The following MRPS31 variants were observed in gnomAD, a reference collection of about 807,000 sequenced individuals.
The protein encoded by MRPS31 is mitochondrial ribosomal protein S31.
MRPS31 carries 32 observed loss-of-function variants against 43.1 expected under a neutral mutation model. The observed-to-expected ratio is 0.74, with a 90% confidence interval of 0.56 to 1.00. The LOEUF is 1.00. Ranked by LOEUF, MRPS31 falls within the 50% of genes least tolerant of loss-of-function variation. MRPS31 has a pLI of 0.00. For missense variants in MRPS31, 437 were observed against 466.7 expected, an observed-to-expected ratio of 0.94 and a Z score of 0.59; for synonymous variants, 165 against 161.6, an observed-to-expected ratio of 1.02 and a Z score of -0.16.
intron 6 of MRPS31, among the ~76,000 whole-genome samples, chr13:40,741,135 A>T (rs1818373933): frequency 2.0e-5 from 3 of 152,046 alleles, no homozygotes; most frequent in Middle Eastern, 3.4e-3. Context: ...ATAATTTAGA[A>T]ATATAAAAAA....
intron 6 of MRPS31, among the ~76,000 whole-genome samples, chr13:40,737,834 A>T (rs1376475401): frequency 6.6e-6 from 1 of 152,032 alleles, no homozygotes; most frequent in Non-Finnish European, 1.5e-5. Flanking sequence ...AAGAGAAAGC[A>T]GGAAAGATCC....
chr13:40,729,730 ATT>A (rs35753575), intron 6 of MRPS31, 129 bp from the exon 7 acceptor site: 7,877 of 507,880 alleles, frequency 0.016, no homozygotes, highest in South Asian at 0.021. Context: ...CCTAGGTTGC[ATT>A]TTTTTTTTTT....
rs201166213 is a variant in MRPS31, at chr13:40,757,036, T to G, written c.600-23A>C. 2.8e-3 allele frequency: 4,353 copies of G among 1,579,384 alleles called. 10 individuals are homozygous for G. Among genetic ancestry groups the G allele is most frequent in the Middle Eastern group, 0.012 (70 of 5,958 alleles). ...AAACTGAAATAATAAAAAGGTCAAG[T>G]GTATTAGAAATCTTAGCTACAGAAC... On this transcript the variant is annotated intron_variant, in intron 3 of 6. Transcript: ENST00000323563.
At chr13:40,754,716 G>A (rs576442613) in intron 4 of MRPS31, among the ~76,000 whole-genome samples, 1 of 152,192 alleles carries the variant, frequency 6.6e-6, no homozygotes, top group Non-Finnish European at 1.5e-5. Flanking sequence ...TTTACTGGCA[G>A]ATTAAAATCC....
chr13:40,755,015 T>C (rs1880492391), intron 4 of MRPS31, among the ~76,000 whole-genome samples: 2 of 152,198 alleles, frequency 1.3e-5, no homozygotes, highest in Admixed American at 6.5e-5. Context: ...GGCTGGGCGA[T>C]AAGAGCGAGA....
At chr13:40,756,847 AC>A (rs762401876) in intron 4 of MRPS31, 25 bp downstream of exon 4, 1 of 1,611,646 alleles carries the variant, frequency 6.2e-7, no homozygotes, top group Non-Finnish European at 8.5e-7. Flanking sequence ...CACAAACAAA[AC>A]CCAGCAGATT....
intron 2 of MRPS31, among the ~76,000 whole-genome samples, chr13:40,764,207 C>A (rs746350781): frequency 3.3e-5 from 5 of 152,132 alleles, no homozygotes; most frequent in Non-Finnish European, 7.3e-5. Context: ...GGCATTGTTT[C>A]CAGGAACAGC....
intron 1 of MRPS31, among the ~76,000 whole-genome samples, chr13:40,768,132 A>C (rs879105637): frequency 6.6e-6 from 1 of 152,212 alleles, no homozygotes; most frequent in Non-Finnish European, 1.5e-5. Flanking sequence ...TGGGGTTAAA[A>C]ATTTGTTTTG....
At chr13:40,769,325 G>C (rs770630279) in intron 1 of MRPS31, among the ~76,000 whole-genome samples, 1 of 138,978 alleles carries the variant, frequency 7.2e-6, no homozygotes, top group Admixed American at 7.7e-5. Context: ...GCAGTGAGCC[G>C]AGATCACACA....
intron 6 of MRPS31, among the ~76,000 whole-genome samples, chr13:40,734,828 C>G (rs548590437): frequency 6.6e-6 from 1 of 152,092 alleles, no homozygotes; most frequent in Non-Finnish European, 1.5e-5. Flanking sequence ...CCCAGGAATT[C>G]GAGGTTGCAG....
chr13:40,766,804 T>C lies in MRPS31; in HGVS notation c.382A>G (p.Ser128Gly). The C allele has an allele frequency of 6.2e-7, 1 of 1,613,998 alleles. No individual in the cohort carries two copies. The highest frequency in any genetic ancestry group is 8.5e-7 in the Non-Finnish European group (1 of 1,179,990). Reference sequence around the variant, plus strand: ...AGCCTGCCAAGTGTAGCTTCCAAACTTTTAAGTGGTCTTCTTTTGGGGGGC... The same window carrying C: ...AGCCTGCCAAGTGTAGCTTCCAAACCTTTAAGTGGTCTTCTTTTGGGGGGC... ...TKPPKRRPLKSLEATLGRLRR... is the reference protein window; with the variant it reads ...TKPPKRRPLKGLEATLGRLRR... Residue 128 changes from serine to glycine, a missense_variant, in exon 2 of 7, where the codon AGT becomes GGT. Transcript: ENST00000323563.
chr13:40,759,888 A>G (rs1423978797), intron 2 of MRPS31, among the ~76,000 whole-genome samples: 2 of 152,242 alleles, frequency 1.3e-5, no homozygotes, highest in East Asian at 1.9e-4. Flanking sequence ...ATATATCCAT[A>G]CAATGGAAGA....
At chr13:40,767,656 T>C (rs1341065700) in intron 1 of MRPS31, among the ~76,000 whole-genome samples, 1 of 152,172 alleles carries the variant, frequency 6.6e-6, no homozygotes, top group Non-Finnish European at 1.5e-5. Context: ...AGGGGAGGTC[T>C]GGGGGTGCTG....
rs751326799 is a variant in MRPS31 at position 40,766,768 on chromosome 13, T to C, written c.418A>G (p.Thr140Ala). The C allele has an allele frequency of 3.7e-6, 6 of 1,610,998 alleles. No homozygotes were observed. In the African/African-American group the frequency reaches 6.7e-5, roughly 18 times the overall value. The change falls in exon 2 of 7, where the codon ACA (threonine) becomes GCA (alanine). Residue 140 changes from threonine to alanine, a missense_variant. Coordinates refer to ENST00000323563, the MANE Select transcript of MRPS31 (RefSeq NM_005830.4). ...TACCTCTTCTTTGGAGCATATTCTG[T>C]AGCTCTTCGAAGCCTGCCAAGTGTA... ...EATLGRLRRATEYAPKKRIEP... is the reference protein window; with the variant it reads ...EATLGRLRRAAEYAPKKRIEP...
At chr13:40,759,163 T>C in intron 2 of MRPS31, 57 bp from the exon 3 acceptor site, 1 of 1,386,938 alleles carries the variant, frequency 7.2e-7, no homozygotes, top group South Asian at 1.5e-5. Flanking sequence ...ATTGGCCAGG[T>C]GCGGTGGCTC....
intron 6 of MRPS31, among the ~76,000 whole-genome samples, chr13:40,737,479 C>A (rs1467770928): frequency 6.6e-6 from 1 of 151,982 alleles, no homozygotes; most frequent in Non-Finnish European, 1.5e-5. Context: ...ACAGAATATA[C>A]ATTTTTTTCA....
At chr13:40,770,824 T>C in intron 1 of MRPS31, 161 bp downstream of exon 1, 1 of 895,936 alleles carries the variant, frequency 1.1e-6, no homozygotes, top group African/African-American at 1.7e-5. Context: ...GTAGCTCTGT[T>C]TTCACGCACA....
rs748982635 is a variant in MRPS31, at chr13:40,756,875, T to C, written c.738A>G (p.Lys246=). ...CAGCAGATTACAAAGCCTGATACCTTTTTTTAAGATCATCCGTCTTCTCCT... is the reference window on the plus strand; with the variant it reads ...CAGCAGATTACAAAGCCTGATACCTCTTTTTAAGATCATCCGTCTTCTCCT... ...PGQEKTDDLK[K]RKNIFTGKRL... is the part of the protein sequence containing the mutation. Residue 246 remains lysine, a splice_region_variant and synonymous_variant, in exon 4 of 7, where the codon AAA becomes AAG. Coordinates refer to ENST00000323563, the MANE Select transcript of MRPS31 (RefSeq NM_005830.4). 1 of 1,612,814 alleles carries C rather than the reference T, an allele frequency of 6.2e-7. No homozygotes were observed. The highest frequency in any genetic ancestry group is 8.5e-7 in the Non-Finnish European group (1 of 1,179,672).
At chr13:40,765,628 T>C (rs1016518648) in intron 2 of MRPS31, among the ~76,000 whole-genome samples, 34 of 152,220 alleles carry the variant, frequency 2.2e-4, no homozygotes, top group Admixed American at 9.8e-4. Context: ...TAGCTTACTC[T>C]ACTACCCAAT....
Sources: gnomAD v4.1 joint callset for allele counts (sites outside exome capture counted in the v4.1 genomes callset) on GRCh38, gnomAD v4.1.1 for gene constraint, MANE v1.5 for transcripts, NCBI Gene and HGNC (gene_info 2026-07-23, HGNC 2026-07-21) for gene names.